MTNR1B: variants seen among roughly 807,000 people sequenced by gnomAD.
MTNR1B encodes melatonin receptor 1B.
In MTNR1B, 7 loss-of-function variants were observed where a neutral mutation model predicts 7.0. The ratio of observed to expected loss-of-function variants is 1.00; its 90% CI spans 0.57 to 1.88. The LOEUF (loss-of-function observed/expected upper bound fraction) is 1.88. Ranked by LOEUF, MTNR1B falls within the 40% of genes most tolerant of loss-of-function variation. The pLI, the probability that MTNR1B is intolerant of heterozygous loss-of-function variation, is 0.00. For synonymous variants in MTNR1B, 226 were observed against 208.2 expected (o/e 1.09, Z -0.74); for missense variants, 478 against 486.5 (o/e 0.98, Z 0.16).
In MTNR1B at chr11:92,982,149, G is replaced by A. The variant is rs768727948; in HGVS notation, c.926G>A (p.Gly309Glu). The A allele has an allele frequency of 6.2e-7, 1 of 1,614,168 alleles. No individual in the cohort carries two copies. Among genetic ancestry groups the A allele is most frequent in the Admixed American group, 1.7e-5 (1 of 60,018 alleles). Residue 309 changes from glycine (G) to glutamate (E), a missense_variant, in exon 2 of 2, where the codon GGG becomes GAG. Physicochemically the swap from Gly to Glu is moderately conservative, Grantham distance 98. Transcript: ENST00000257068. ...FNSCLNAIVY[G>E]LLNQNFRREY... Reference sequence around the variant, plus strand: ...AGCTGCCTGAATGCCATTGTCTATGGGCTCTTGAACCAAAACTTCCGCAGG... The same window carrying A: ...AGCTGCCTGAATGCCATTGTCTATGAGCTCTTGAACCAAAACTTCCGCAGG...
chr11:92,982,034 G>A lies in MTNR1B; in HGVS notation c.811G>A (p.Gly271Ser), dbSNP rs145010577. The part of the protein sequence containing the change: ...AICWAPLNCI[G>S]LAVAINPQEM... ...CTGCTGGGCTCCACTTAACTGCATC[G>A]GCCTCGCTGTGGCCATCAACCCCCA... Residue 271 changes from glycine (G) to serine (S), a missense_variant, in exon 2 of 2, where the codon GGC (glycine) becomes AGC (serine). Gly to Ser is a moderately conservative substitution (Grantham distance 56). Transcript: ENST00000257068. 4.3e-5 allele frequency: 70 copies of A among 1,613,994 alleles called. No homozygotes were observed. The highest frequency in any genetic ancestry group is 1.6e-4 in the Middle Eastern group (1 of 6,084).
At chr11:92,978,135 AG>A in intron 1 of MTNR1B, among the ~76,000 whole-genome samples, 1 of 152,196 alleles carries the variant, frequency 6.6e-6, no homozygotes, top group East Asian at 1.9e-4. Context: ...CTGAGCATGG[AG>A]GGTGAGCACA....
chr11:92,983,704 T>A (rs1207738045), downstream of MTNR1B, among the ~76,000 whole-genome samples: 1 of 152,164 alleles, frequency 6.6e-6, no homozygotes, highest in Non-Finnish European at 1.5e-5. Context: ...TTAATAGCTT[T>A]CTTCAGTTCC....
At position 92,982,374 on chromosome 11, in the gene MTNR1B, G is replaced by T; in HGVS notation, c.*62G>T. 1 of 1,546,392 alleles carries T rather than the reference G, an allele frequency of 6.5e-7. No individual in the cohort carries two copies. Among genetic ancestry groups the T allele is most frequent in the Non-Finnish European group, 8.7e-7 (1 of 1,148,568 alleles). The stretch of plus-strand genomic sequence containing the variant: ...ATGAAATGGTGGGAGAGAGTCTGCT[G>T]CAAGGGTGAGACCAGGCAGCCTGCT... On this transcript the variant is annotated 3_prime_UTR_variant, in exon 2 of 2. Coordinates refer to ENST00000257068, the MANE Select transcript of MTNR1B (RefSeq NM_005959.5).
Position 92,973,646 on chromosome 11 carries a change from C to A in MTNR1B, c.223+3698C>A, listed in dbSNP as rs537608035. ...GGATTATCAATGTTGATTATTAATA[C>A]CATGAAGGGGATAGTAAGTGTCTCC... On this transcript the variant is annotated intron_variant, in intron 1 of 1. Transcript: ENST00000257068. Among the ~76,000 whole-genome samples, 7 of 152,280 alleles carry A rather than the reference C, an allele frequency of 4.6e-5. No individual in the cohort carries two copies. In the East Asian group the frequency reaches 9.7e-4, roughly 21 times the overall value.
intron 1 of MTNR1B, among the ~76,000 whole-genome samples, chr11:92,974,241 C>G (rs2136511099): frequency 6.6e-6 from 1 of 152,280 alleles, no homozygotes; most frequent in South Asian, 2.1e-4. Context: ...GCAAGTCTTT[C>G]CCATGCTGTT....
In MTNR1B at chr11:92,981,488, G is replaced by T; in HGVS notation, c.265G>T (p.Val89Leu). 6.2e-7 allele frequency: 1 copy of T among 1,614,082 alleles called. No homozygotes were observed. The highest frequency in any genetic ancestry group is 8.5e-7 in the Non-Finnish European group (1 of 1,180,010). ...LVSLALADLVVAFYPYPLILV... is the reference protein window; with the variant it reads ...LVSLALADLVLAFYPYPLILV... The stretch of plus-strand genomic sequence containing the variant: ...GAGTCTGGCATTGGCTGACCTGGTG[G>T]TGGCCTTCTACCCCTACCCGCTAAT... Residue 89 changes from valine (V) to leucine (L), a missense_variant, in exon 2 of 2, where the codon GTG becomes TTG. Coordinates refer to ENST00000257068, the MANE Select transcript of MTNR1B (RefSeq NM_005959.5).
intron 1 of MTNR1B, among the ~76,000 whole-genome samples, chr11:92,979,431 A>AT (rs1387339516): frequency 2.6e-5 from 4 of 152,280 alleles, no homozygotes; most frequent in East Asian, 3.9e-4. Context: ...CTTGTTGCAC[A>AT]TTTTTTGCCT....
chr11:92,971,943 T>TAACA (rs1234109628), intron 1 of MTNR1B, among the ~76,000 whole-genome samples: 4 of 152,152 alleles, frequency 2.6e-5, no homozygotes, highest in African/African-American at 9.7e-5. Context: ...AAAATAATAA[T>TAACA]AACACTATAT....
chr11:92,970,672 T>G (rs1857909439), intron 1 of MTNR1B, among the ~76,000 whole-genome samples: 1 of 152,162 alleles, frequency 6.6e-6, no homozygotes. Flanking sequence ...ATTCCCCTAG[T>G]CAGGTCTTCA....
chr11:92,983,612 C>CA (rs1350605172), downstream of MTNR1B, among the ~76,000 whole-genome samples: 1 of 151,808 alleles, frequency 6.6e-6, no homozygotes, highest in African/African-American at 2.4e-5. Flanking sequence ...AGGGCAGCTG[C>CA]ACCCCAATTC....
chr11:92,971,733 G>T (rs1254590818), intron 1 of MTNR1B, among the ~76,000 whole-genome samples: 5 of 152,114 alleles, frequency 3.3e-5, no homozygotes, highest in Non-Finnish European at 7.4e-5. Context: ...CCTTTTGCTG[G>T]AAGGAGAAAA....
intron 1 of MTNR1B, among the ~76,000 whole-genome samples, chr11:92,976,758 AC>A (rs1858014018): frequency 6.6e-6 from 1 of 152,078 alleles, no homozygotes; most frequent in Non-Finnish European, 1.5e-5. Flanking sequence ...AACTCTCTAC[AC>A]CCTTTCTCTT....
chr11:92,975,311 TG>T (rs1039910003), intron 1 of MTNR1B, among the ~76,000 whole-genome samples: 3 of 152,148 alleles, frequency 2.0e-5, no homozygotes, highest in African/African-American at 7.2e-5. Context: ...GTGCTGCAAA[TG>T]GGTTAAAGAG....
intron 1 of MTNR1B, among the ~76,000 whole-genome samples, chr11:92,971,574 G>C (rs1203948203): frequency 6.6e-6 from 1 of 152,188 alleles, no homozygotes; most frequent in Non-Finnish European, 1.5e-5. Context: ...CTCTATGGGG[G>C]AGAAATGGGT....
chr11:92,971,320 G>A (rs1320777217), intron 1 of MTNR1B, among the ~76,000 whole-genome samples: 1 of 152,084 alleles, frequency 6.6e-6, no homozygotes, highest in South Asian at 2.1e-4. Context: ...TGAGTATCCA[G>A]CCATCATATG....
chr11:92,970,883 G>C (rs1409022081), intron 1 of MTNR1B, among the ~76,000 whole-genome samples: 1 of 152,104 alleles, frequency 6.6e-6, no homozygotes, highest in Non-Finnish European at 1.5e-5. Flanking sequence ...CAACCATATA[G>C]CTTAAAAATG....
rs1180050092 is a variant in MTNR1B, at chr11:92,981,986, G to A, written c.763G>A (p.Val255Met). ...SDLRSFLTMF[V>M]VFVIFAICWA... ...CTTGCGGAGCTTTCTAACCATGTTT[G>A]TGGTGTTTGTGATCTTTGCCATCTG... The change falls in exon 2 of 2, where the codon GTG becomes ATG. Residue 255 changes from valine (V) to methionine (M), a missense_variant. Physicochemically the swap from Val to Met is conservative, Grantham distance 21. Transcript: ENST00000257068. 6.2e-7 allele frequency: 1 copy of A among 1,614,230 alleles called. No individual in the cohort carries two copies. The highest frequency in any genetic ancestry group is 1.7e-5 in the Admixed American group (1 of 60,036).
chr11:92,976,744 A>G (rs970305020), intron 1 of MTNR1B, among the ~76,000 whole-genome samples: 5 of 152,224 alleles, frequency 3.3e-5, no homozygotes, highest in African/African-American at 9.6e-5. Context: ...GTAGATGACC[A>G]AGAAACTCTC....
Sources: gnomAD v4.1 joint callset for allele counts (sites outside exome capture counted in the v4.1 genomes callset) on GRCh38, gnomAD v4.1.1 for gene constraint, MANE v1.5 for transcripts, NCBI Gene and HGNC (gene_info 2026-07-23, HGNC 2026-07-21) for gene names.